Variants in KAT2B observed in about 807,000 individuals in gnomAD.
KAT2B encodes the protein histone acetyltransferase KAT2B.
Under a neutral mutation model 105.9 loss-of-function variants are expected in KAT2B, and 36 were observed. The observed-to-expected ratio is 0.34, with a 90% CI of 0.26 to 0.45. The LOEUF (loss-of-function observed/expected upper bound fraction) is 0.45. Ranked by LOEUF, KAT2B falls within the 20% of genes least tolerant of loss-of-function variation. The probability of loss-of-function intolerance (pLI) is 1.00; values close to 1 mark genes in which losing one functional copy is unlikely to be tolerated. For missense variants in KAT2B, 820 were observed against 1,021.6 expected (o/e 0.80, Z 2.69); for synonymous variants, 397 against 377.9 (o/e 1.05, Z -0.59).
intron 2 of KAT2B, among the ~76,000 whole-genome samples, chr3:20,077,526 T>A (rs1698440280): frequency 6.6e-6 from 1 of 152,240 alleles, no homozygotes; most frequent in African/African-American, 2.4e-5. Context: ...ATACTGTAAG[T>A]GTAAAATACA....
intron 17 of KAT2B, among the ~76,000 whole-genome samples, chr3:20,150,489 T>C (rs537698793): frequency 2.0e-5 from 3 of 152,310 alleles, no homozygotes; most frequent in African/African-American, 7.2e-5. Flanking sequence ...TGACTTCTTG[T>C]TACCCATGGA....
chr3:20,121,730 ATATGTGTG>A (rs776386589), intron 8 of KAT2B, among the ~76,000 whole-genome samples: 1,692 of 92,564 alleles, frequency 0.018, 50 homozygotes, highest in African/African-American at 0.055. Flanking sequence ...ACACATATGC[ATATGTGTG>A]TGTGTGTGTG....
intron 2 of KAT2B, among the ~76,000 whole-genome samples, chr3:20,091,040 C>T (rs375122069): frequency 6.6e-6 from 1 of 152,190 alleles, no homozygotes; most frequent in African/African-American, 2.4e-5. Flanking sequence ...GCATGAGCCA[C>T]TGCACTTGGG....
chr3:20,049,124 T>C (rs1389221058), intron 1 of KAT2B, among the ~76,000 whole-genome samples: 1 of 152,104 alleles, frequency 6.6e-6, no homozygotes, highest in Non-Finnish European at 1.5e-5. Context: ...CCTCTCAAAG[T>C]GCCGGGATTA....
intron 1 of KAT2B, among the ~76,000 whole-genome samples, chr3:20,069,786 C>T (rs763397741): frequency 1.6e-4 from 25 of 152,144 alleles, no homozygotes; most frequent in Non-Finnish European, 3.1e-4. Context: ...GCCTTGGCCT[C>T]CCAAAGTGCT....
At position 20,152,579 on chromosome 3, in the gene KAT2B, G is replaced by A. The variant is rs545915273; in HGVS notation, c.*54G>A. On this transcript the variant is annotated 3_prime_UTR_variant, in exon 18 of 18. Transcript: ENST00000263754. Reference sequence around the variant, plus strand: ...TCACCAAGCAGTGTGCCTAAAGCAAGGTGGTTTAGTTTTTTACAAAGAATT... The same window carrying A: ...TCACCAAGCAGTGTGCCTAAAGCAAAGTGGTTTAGTTTTTTACAAAGAATT... 1 of 1,421,762 alleles carries A rather than the reference G, an allele frequency of 7.0e-7. No individual in the cohort carries two copies. The highest frequency in any genetic ancestry group is 1.4e-5 in the African/African-American group (1 of 70,192). The allele number at this position is 1,421,762 out of a possible 1,614,324, so 88.1% of individuals were successfully genotyped here.
intron 2 of KAT2B, among the ~76,000 whole-genome samples, chr3:20,084,056 G>A (rs1489145240): frequency 1.3e-5 from 2 of 152,170 alleles, no homozygotes; most frequent in Non-Finnish European, 2.9e-5. Context: ...GAGCTGAAAA[G>A]GATTTTTGGT....
chr3:20,123,225 T>A (rs180870387), intron 9 of KAT2B, among the ~76,000 whole-genome samples: 1 of 152,260 alleles, frequency 6.6e-6, no homozygotes, highest in Non-Finnish European at 1.5e-5. Flanking sequence ...CATGAACCAT[T>A]TGGAACCATT....
rs140701103 is a variant in KAT2B at position 20,056,071 on chromosome 3, T to C, written c.303+15291T>C. The stretch of plus-strand genomic sequence containing the variant: ...TGGGCTGTTTCCAGTGAATTCAAAT[T>C]AGATTTCCGGTTTGAAGTGACCCCT... On this transcript the variant is annotated intron_variant, in intron 1 of 17. Transcript: ENST00000263754. 1.9e-3 allele frequency among the ~76,000 whole-genome samples: 286 copies of C among 152,302 alleles called. 3 individuals carry two copies. Among genetic ancestry groups the C allele is most frequent in the African/African-American group, 6.2e-3 (256 of 41,560 alleles).
At chr3:20,057,341 C>A (rs1227891351) in intron 1 of KAT2B, among the ~76,000 whole-genome samples, 1 of 152,084 alleles carries the variant, frequency 6.6e-6, no homozygotes, top group Non-Finnish European at 1.5e-5. Flanking sequence ...ACAGGTTGGG[C>A]TGGTTATGTG....
intron 9 of KAT2B, 42 bp from the exon 10 acceptor site, chr3:20,125,863 A>G (rs1234123254): frequency 6.6e-7 from 1 of 1,506,892 alleles, no homozygotes; most frequent in Non-Finnish European, 9.2e-7. Context: ...CTGTCTTGAG[A>G]GAATAGCTCT....
chr3:20,125,800 A>G (rs1417032319), intron 9 of KAT2B, 105 bp from the exon 10 acceptor site: 1 of 910,502 alleles, frequency 1.1e-6, no homozygotes, highest in Non-Finnish European at 1.7e-6. Flanking sequence ...AAAATCCACA[A>G]ATGTGTATCT....
At chr3:20,152,284 G>T (rs755873712) in intron 17 of KAT2B, 48 bp from the exon 18 acceptor site, 1 of 1,346,628 alleles carries the variant, frequency 7.4e-7, no homozygotes, top group South Asian at 1.3e-5. Flanking sequence ...TTGTCAGCTG[G>T]TGTTTAAAGG....
chr3:20,120,216 T>G (rs967398692), intron 8 of KAT2B, among the ~76,000 whole-genome samples: 3 of 151,902 alleles, frequency 2.0e-5, no homozygotes, highest in Admixed American at 6.6e-5. Context: ...CCACATTCTT[T>G]TTTTTTTTCC....
At position 20,047,358 on chromosome 3, in the gene KAT2B, C is replaced by T. The variant is rs114576770; in HGVS notation, c.303+6578C>T. ...AAGTGCTGGGATTACAGGCATGAAC[C>T]ACCACGCCTAGCCTAAACCAATGCT... On this transcript the variant is annotated intron_variant, in intron 1 of 17. Transcript: ENST00000263754. 4.0e-3 allele frequency among the ~76,000 whole-genome samples: 606 copies of T among 152,292 alleles called. 1 individual carries two copies. The highest frequency in any genetic ancestry group is 0.013 in the African/African-American group (553 of 41,566).
intron 8 of KAT2B, 85 bp downstream of exon 8, chr3:20,119,808 C>A (rs1699276477): frequency 3.5e-6 from 5 of 1,436,072 alleles, no homozygotes; most frequent in Non-Finnish European, 3.8e-6. Flanking sequence ...TAGACTTGAA[C>A]CAAGTACAGA....
Position 20,072,228 on chromosome 3 carries a change from G to A in KAT2B, c.304-105G>A, listed in dbSNP as rs533598416. On this transcript the variant is annotated intron_variant, in intron 1 of 17. Coordinates refer to ENST00000263754, the MANE Select transcript of KAT2B (RefSeq NM_003884.5). Reference sequence around the variant, plus strand: ...TATGGCAGACGACAAAGTCAGGGGTGAGGGGATAGCTGTCATATAATTAGT... The same window carrying A: ...TATGGCAGACGACAAAGTCAGGGGTAAGGGGATAGCTGTCATATAATTAGT... The A allele has an allele frequency of 1.8e-4, 207 of 1,176,822 alleles. No homozygotes were observed. In the African/African-American group the frequency reaches 2.9e-3, roughly 16 times the overall value. The allele number at this position is 1,176,822 out of a possible 1,614,324, so 72.9% of individuals were successfully genotyped here.
chr3:20,048,518 T>C (rs777482348), intron 1 of KAT2B, among the ~76,000 whole-genome samples: 3 of 152,178 alleles, frequency 2.0e-5, no homozygotes, highest in Non-Finnish European at 4.4e-5. Flanking sequence ...GTTAAGTAAA[T>C]CCATAGGGTC....
chr3:20,152,607 A>G lies in KAT2B; in HGVS notation c.*82A>G. On this transcript the variant is annotated 3_prime_UTR_variant, in exon 18 of 18. Transcript: ENST00000263754. Reference sequence around the variant, plus strand: ...GGTTTAGTTTTTTACAAAGAATTGGACATGATGTATTGAAGAGACTTGTAA... The same window carrying G: ...GGTTTAGTTTTTTACAAAGAATTGGGCATGATGTATTGAAGAGACTTGTAA... 8.9e-7 allele frequency: 1 copy of G among 1,123,856 alleles called. No homozygotes were observed. Among genetic ancestry groups the G allele is most frequent in the Admixed American group, 2.1e-5 (1 of 47,586 alleles). The allele number at this position is 1,123,856 out of a possible 1,614,324, so 69.6% of individuals were successfully genotyped here.
Sources: gnomAD v4.1 joint callset for allele counts (sites outside exome capture counted in the v4.1 genomes callset) on GRCh38, gnomAD v4.1.1 for gene constraint, MANE v1.5 for transcripts, NCBI Gene and HGNC (gene_info 2026-07-23, HGNC 2026-07-21) for gene names.